GPR107: variants seen among roughly 807,000 people sequenced by gnomAD.
GPR107 encodes the protein protein GPR107.
In GPR107, 31 loss-of-function variants were observed where a neutral mutation model predicts 75.5. The observed-to-expected ratio is 0.41, with a 90% CI of 0.31 to 0.55. The LOEUF (loss-of-function observed/expected upper bound fraction) is 0.55. Among genes scored for constraint, GPR107 ranks in the 20% least tolerant of loss-of-function variants. The probability of loss-of-function intolerance (pLI) is 0.26; values close to 1 mark genes in which losing one functional copy is unlikely to be tolerated. For synonymous variants in GPR107, 267 were observed against 251.3 expected (o/e 1.06, Z -0.59); for missense variants, 572 against 665.7 (o/e 0.86, Z 1.55).
intron 4 of GPR107, among the ~76,000 whole-genome samples, chr9:130,078,608 C>T (rs894977094): frequency 7.2e-5 from 11 of 152,262 alleles, no homozygotes; most frequent in Non-Finnish European, 1.0e-4. Context: ...GACAGGCCTG[C>T]GGTGGCTTGC....
Position 130,132,140 on chromosome 9 carries a change from C to T in GPR107, c.1563-2885C>T, listed in dbSNP as rs148188857. Among the ~76,000 whole-genome samples, 783 of 151,646 alleles carry T rather than the reference C, an allele frequency of 5.2e-3. 16 individuals carry two copies. Among genetic ancestry groups the T allele is most frequent in the African/African-American group, 0.018 (750 of 40,918 alleles). ...GCTTAAGCAGTCCTCCCGCCTCAGC[C>T]GCCCAAAGTGCTGGGAATGCAGGCG... On this transcript the variant is annotated intron_variant, in intron 17 of 17. Coordinates refer to ENST00000347136, the MANE Select transcript of GPR107 (RefSeq NM_020960.5).
rs71387311 is a variant in GPR107, at chr9:130,085,754, A to ATTTTTTTTTTTTTTT, written c.565-663_565-649dup. Among the ~76,000 whole-genome samples, 557 of 78,582 alleles carry ATTTTTTTTTTTTTTT rather than the reference A, an allele frequency of 7.1e-3. 130 individuals carry two copies. The highest frequency in any genetic ancestry group is 0.026 in the Middle Eastern group (3 of 116). 51.6% of individuals were successfully genotyped at this position (78,582 alleles called of 152,430 possible). A position where few individuals can be genotyped will look rare whatever the true frequency, so the allele number is the denominator to read the frequency against. ...TTACTGTATAAATGGCAATATTTTG[A>ATTTTTTTTTTTTTTT]TTTTTTTTTTTTTTTTTGCCGGGGG... On this transcript the variant is annotated intron_variant, in intron 6 of 17. Transcript: ENST00000347136.
At chr9:130,074,416 G>T (rs561709922) in intron 1 of GPR107, among the ~76,000 whole-genome samples, 2 of 152,232 alleles carry the variant, frequency 1.3e-5, no homozygotes, top group South Asian at 4.2e-4. Context: ...GCAGACTTAC[G>T]GAAGGTGTTG....
intron 6 of GPR107, 113 bp from the exon 7 acceptor site, chr9:130,086,307 G>A (rs1830614116): frequency 1.5e-6 from 1 of 685,012 alleles, no homozygotes; most frequent in Admixed American, 2.4e-5. Flanking sequence ...CTTTTTTGAA[G>A]GTCAGCAAAT....
intron 1 of GPR107, among the ~76,000 whole-genome samples, chr9:130,055,599 T>G (rs187205232): frequency 6.6e-6 from 1 of 151,482 alleles, no homozygotes. Context: ...TAGCAAACTA[T>G]GAAGCATTGT....
At chr9:130,065,173 G>C (rs1183681062) in intron 1 of GPR107, among the ~76,000 whole-genome samples, 1 of 152,120 alleles carries the variant, frequency 6.6e-6, no homozygotes, top group East Asian at 1.9e-4. Flanking sequence ...ATTCGCAGCC[G>C]GGCACGGTGG....
At chr9:130,121,999 T>C (rs1054411998) in intron 14 of GPR107, among the ~76,000 whole-genome samples, 18 of 152,100 alleles carry the variant, frequency 1.2e-4, no homozygotes, top group Admixed American at 1.1e-3. Context: ...CATGCCATTC[T>C]CCTGCTTCAG....
intron 3 of GPR107, 54 bp from the exon 4 acceptor site, chr9:130,077,245 C>T: frequency 1.1e-6 from 1 of 936,322 alleles, no homozygotes; most frequent in South Asian, 1.3e-5. Flanking sequence ...AAACTCTGTT[C>T]TTGTTCTAGT....
At chr9:130,109,928 C>T (rs892445601) in intron 14 of GPR107, among the ~76,000 whole-genome samples, 3 of 152,292 alleles carry the variant, frequency 2.0e-5, no homozygotes, top group Middle Eastern at 3.4e-3. Flanking sequence ...ATCTTATACA[C>T]TTCTGTATTT....
At chr9:130,116,131 T>C (rs1006681680) in intron 14 of GPR107, among the ~76,000 whole-genome samples, 1 of 152,206 alleles carries the variant, frequency 6.6e-6, no homozygotes, top group Non-Finnish European at 1.5e-5. Flanking sequence ...ATCATCCGGC[T>C]GAGAAGCAGT....
Position 130,112,852 on chromosome 9 carries a change from C to T in GPR107, c.1306+5313C>T, listed in dbSNP as rs1394685473. ...GCAGCCTCAACCTCCTGGGCCCAAC[C>T]GATCCTCTCACCTCAGCCCTCAAAG... On this transcript the variant is annotated intron_variant, in intron 14 of 17. Coordinates refer to ENST00000347136, the MANE Select transcript of GPR107 (RefSeq NM_020960.5). This position sits in a 1 kb window ranked among gnomAD's most constrained non-coding sequence, Gnocchi z 4.0. Among the ~76,000 whole-genome samples the T allele has an allele frequency of 3.3e-5, 5 of 151,948 alleles. No individual in the cohort carries two copies. Among genetic ancestry groups the T allele is most frequent in the East Asian group, 3.9e-4 (2 of 5,134 alleles).
intron 17 of GPR107, chr9:130,133,333 T>C (rs1442829488): frequency 6.6e-6 from 1 of 152,274 alleles, no homozygotes; most frequent in Non-Finnish European, 1.5e-5. Flanking sequence ...TCACAGTGAA[T>C]GCGCTTTGCC....
intron 1 of GPR107, among the ~76,000 whole-genome samples, chr9:130,071,656 T>C (rs1201082835): frequency 6.6e-6 from 1 of 151,720 alleles, no homozygotes; most frequent in Non-Finnish European, 1.5e-5. Flanking sequence ...CTGTTGTTAT[T>C]ATCATTATTA....
At chr9:130,119,790 A>G (rs1280725089) in intron 14 of GPR107, among the ~76,000 whole-genome samples, 2 of 151,734 alleles carry the variant, frequency 1.3e-5, no homozygotes, top group East Asian at 3.9e-4. Flanking sequence ...TGATGGCATC[A>G]CGACTGGTGG....
At chr9:130,083,094 T>A (rs1056410772) in intron 5 of GPR107, among the ~76,000 whole-genome samples, 2 of 151,912 alleles carry the variant, frequency 1.3e-5, no homozygotes, top group African/African-American at 4.8e-5. Context: ...CTAATTTTTG[T>A]ATTTTTAGTA....
intron 10 of GPR107, 39 bp downstream of exon 10, chr9:130,099,571 G>T (rs375270463): frequency 8.8e-7 from 1 of 1,139,866 alleles, no homozygotes; most frequent in Admixed American, 1.8e-5. Flanking sequence ...ATGAAATTAC[G>T]TATAATGCCT....
intron 3 of GPR107, among the ~76,000 whole-genome samples, chr9:130,076,973 C>T (rs189501196): frequency 2.0e-5 from 3 of 151,822 alleles, no homozygotes; most frequent in Admixed American, 2.0e-4. Flanking sequence ...CTGCAACCTC[C>T]GCCTCCCTCG....
Position 130,073,293 on chromosome 9 carries a change from G to A in GPR107, c.142-2343G>A, listed in dbSNP as rs372239785. On this transcript the variant is annotated intron_variant, in intron 1 of 17. Coordinates refer to ENST00000347136, the MANE Select transcript of GPR107 (RefSeq NM_020960.5). ...CTAATGTGCTAAGGCATCCATTTAT[G>A]TAGTTGAGTTAATGTCTCCTGTGCC... Among the ~76,000 whole-genome samples, 9 of 152,194 alleles carry A rather than the reference G, an allele frequency of 5.9e-5. No homozygotes were observed. In the East Asian group the frequency reaches 1.2e-3, roughly 20 times the overall value.
intron 14 of GPR107, among the ~76,000 whole-genome samples, chr9:130,116,522 C>T (rs1326302386): frequency 6.6e-6 from 1 of 152,164 alleles, no homozygotes; most frequent in Non-Finnish European, 1.5e-5. Context: ...GGGTAATGTG[C>T]GCCTCAGCCC....
Sources: gnomAD v4.1 joint callset for allele counts (sites outside exome capture counted in the v4.1 genomes callset) on GRCh38, gnomAD v4.1.1 for gene constraint, Gnocchi (gnomAD v3.1) non-coding constraint, MANE v1.5 for transcripts, NCBI Gene and HGNC (gene_info 2026-07-23, HGNC 2026-07-21) for gene names.